LRRC37A3: variants seen among roughly 807,000 people sequenced by gnomAD.
LRRC37A3 encodes leucine-rich repeat-containing protein 37A3.
LRRC37A3 carries 25 observed loss-of-function variants against 106.2 expected under a neutral mutation model. The ratio of observed to expected loss-of-function variants is 0.24; its 90% confidence interval spans 0.17 to 0.33. The LOEUF (loss-of-function observed/expected upper bound fraction) is 0.33, where lower values mean the gene tolerates loss of function less well. LRRC37A3 is among the 10% of genes least tolerant of loss of function. The pLI, the probability that LRRC37A3 is intolerant of heterozygous loss-of-function variation, is 1.00. For missense variants in LRRC37A3, 712 were observed against 1,644.9 expected, an observed-to-expected ratio of 0.43 and a Z score of 9.81; for synonymous variants, 305 against 635.8, an observed-to-expected ratio of 0.48 and a Z score of 7.83.
intron 12 of LRRC37A3, 109 bp downstream of exon 12, chr17:64,859,333 G>A (rs2143371883): frequency 1.6e-6 from 2 of 1,229,024 alleles, no homozygotes; most frequent in Middle Eastern, 2.8e-4. Context: ...AAGTTACATG[G>A]CCAAGATAAG....
At chr17:64,866,614 A>ACG (rs1405294979) in intron 10 of LRRC37A3, among the ~76,000 whole-genome samples, 2 of 23,130 alleles carry the variant, frequency 8.6e-5, no homozygotes, top group Non-Finnish European at 1.5e-4. Flanking sequence ...ATATATATAT[A>ACG]TATATATATA....
chr17:64,865,005 C>A (rs1176418783), intron 10 of LRRC37A3, among the ~76,000 whole-genome samples: 1 of 152,194 alleles, frequency 6.6e-6, no homozygotes, highest in Non-Finnish European at 1.5e-5. Context: ...ACACATCTTT[C>A]AAACCTATAA....
chr17:64,861,716 G>A (rs1282821432), intron 11 of LRRC37A3, among the ~76,000 whole-genome samples: 33 of 152,168 alleles, frequency 2.2e-4, no homozygotes. Flanking sequence ...AGCAGTTTCG[G>A]GATAAACATT....
chr17:64,874,001 C>G (rs1473359894), intron 8 of LRRC37A3, among the ~76,000 whole-genome samples: 1 of 152,206 alleles, frequency 6.6e-6, no homozygotes, highest in Non-Finnish European at 1.5e-5. Context: ...TGTAATCAAA[C>G]TGACAGAAGG....
At chr17:64,918,593 A>T (rs1201976084) in intron 2 of LRRC37A3, among the ~76,000 whole-genome samples, 157 bp downstream of exon 2, 3 of 152,252 alleles carry the variant, frequency 2.0e-5, no homozygotes, top group Non-Finnish European at 2.9e-5. Context: ...TTCAAAATTA[A>T]TTTTTTAAAT....
At chr17:64,870,827 TTTTCTTTCCTTTCC>T (rs1328930787) in intron 8 of LRRC37A3, among the ~76,000 whole-genome samples, 4 of 151,652 alleles carry the variant, frequency 2.6e-5, no homozygotes, top group Admixed American at 2.0e-4. Flanking sequence ...CTTCCTTCTA[TTTTCTTTCCTTTCC>T]TTTCTTTCCT....
In LRRC37A3 at chr17:64,916,266, G is replaced by A. The variant is rs886533515; in HGVS notation, c.-496+2484C>T. Among the ~76,000 whole-genome samples the A allele has an allele frequency of 3.2e-4, 48 of 152,062 alleles. 1 individual carries two copies. The highest frequency in any genetic ancestry group is 6.5e-4 in the Non-Finnish European group (44 of 67,976). On this transcript the variant is annotated intron_variant, in intron 2 of 14. Transcript: ENST00000584306. ...TAAAAATACAAAAAATTAGCTGGGC[G>A]TGGTGGCGGGTGCCTGTAGTCCCAG...
intron 2 of LRRC37A3, among the ~76,000 whole-genome samples, chr17:64,910,635 C>T (rs1974568070): frequency 1.4e-5 from 2 of 147,946 alleles, no homozygotes; most frequent in African/African-American, 2.5e-5. Context: ...ACATTGTCCC[C>T]CCTTTTTTTT....
intron 10 of LRRC37A3, among the ~76,000 whole-genome samples, chr17:64,865,138 C>G (rs2143408989): frequency 6.6e-6 from 1 of 152,314 alleles, no homozygotes; most frequent in East Asian, 1.9e-4. Context: ...ACCTCTGCCA[C>G]AAAGGTGTTT....
chr17:64,919,012 G>A (rs1401708751), intron 1 of LRRC37A3, 142 bp from the exon 2 acceptor site: 2 of 1,224,696 alleles, frequency 1.6e-6, no homozygotes, highest in Non-Finnish European at 2.0e-6. Flanking sequence ...CTGGTGCTGG[G>A]GTGGGGCTGG....
chr17:64,866,628 A>ATATATATATATATATATTT, intron 10 of LRRC37A3, among the ~76,000 whole-genome samples: 1 of 17,870 alleles, frequency 5.6e-5, no homozygotes, highest in Non-Finnish European at 8.6e-5. Flanking sequence ...ATATATATAT[A>ATATATATATATATATATTT]TTTTTTTTTT....
At chr17:64,855,004 A>G (rs1972629684) in intron 14 of LRRC37A3, among the ~76,000 whole-genome samples, 1 of 152,122 alleles carries the variant, frequency 6.6e-6, no homozygotes, top group South Asian at 2.1e-4. Context: ...CACCCAGCTA[A>G]TTTAGTATTT....
At chr17:64,905,035 A>G (rs1194552086) in intron 2 of LRRC37A3, among the ~76,000 whole-genome samples, 1 of 149,956 alleles carries the variant, frequency 6.7e-6, no homozygotes. Flanking sequence ...AAATCAATTT[A>G]TTAAATAAAT....
chr17:64,915,176 C>T (rs1974674696), intron 2 of LRRC37A3, among the ~76,000 whole-genome samples: 2 of 152,044 alleles, frequency 1.3e-5, no homozygotes, highest in Middle Eastern at 3.4e-3. Context: ...GATGGATACC[C>T]TAATTAACCT....
chr17:64,870,604 C>T (rs1973278749), intron 8 of LRRC37A3, among the ~76,000 whole-genome samples: 1 of 151,998 alleles, frequency 6.6e-6, no homozygotes, highest in African/African-American at 2.4e-5. Context: ...TATTATTGCC[C>T]TATTTTTAAA....
rs116720605 is a variant in LRRC37A3 at position 64,860,035 on chromosome 17, G to A, written c.4111C>T (p.Pro1371Ser). ...GAAGGAGCAGATACTTCCAGAAAAG[G>A]ATTTTCTTGAGGACTCAGGTCTCTT... ...SLRDLSPQEN[P>S]FLEVSAPSEH... The change falls in exon 12 of 15, where the codon CCT becomes TCT. Residue 1371 changes from proline to serine, a missense_variant. By Grantham distance (74) the Pro-to-Ser change is moderately conservative. Coordinates refer to ENST00000584306, the MANE Select transcript of LRRC37A3 (RefSeq NM_199340.5). 4,462 of 1,613,886 alleles carry A rather than the reference G, an allele frequency of 2.8e-3. 101 individuals are homozygous for A. In the African/African-American group the frequency reaches 0.052, roughly 19 times the overall value.
chr17:64,909,679 A>T (rs1430984166), intron 2 of LRRC37A3: 2 of 152,410 alleles, frequency 1.3e-5, no homozygotes, highest in Non-Finnish European at 2.9e-5. Context: ...GATGCAAGGG[A>T]AGCAAAAAAG....
At chr17:64,863,971 ATT>A (rs1218172930) in intron 10 of LRRC37A3, among the ~76,000 whole-genome samples, 32 of 128,978 alleles carry the variant, frequency 2.5e-4, no homozygotes, top group Admixed American at 5.4e-4. Flanking sequence ...TGCCCAGCTA[ATT>A]TTTTTTTTTT....
At chr17:64,874,625 T>G (rs1190753375) in intron 8 of LRRC37A3, among the ~76,000 whole-genome samples, 3 of 152,266 alleles carry the variant, frequency 2.0e-5, no homozygotes, top group African/African-American at 7.2e-5. Context: ...GAACGGGCCA[T>G]GATGACGATG....
Sources: allele counts gnomAD v4.1 joint callset (sites outside exome capture counted in the v4.1 genomes callset), GRCh38; gene constraint gnomAD v4.1.1; transcripts MANE v1.5; gene names NCBI Gene and HGNC (gene_info 2026-07-23, HGNC 2026-07-21).